MAP3K20: variants seen among roughly 807,000 people sequenced by gnomAD.
The protein encoded by MAP3K20 is HCCS-4.
MAP3K20 carries 40 observed loss-of-function variants against 85.7 expected under a neutral mutation model. The ratio of observed to expected loss-of-function variants is 0.47; its 90% CI spans 0.36 to 0.61. The LOEUF (loss-of-function observed/expected upper bound fraction) is 0.61, where lower values mean the gene tolerates loss of function less well. Ranked by LOEUF, MAP3K20 falls within the 20% of genes least tolerant of loss-of-function variation. MAP3K20 has a pLI of 0.00. For synonymous variants in MAP3K20, 325 were observed against 327.7 expected (o/e 0.99, Z 0.09); for missense variants, 817 against 961.7 (o/e 0.85, Z 1.99).
intron 18 of MAP3K20, 107 bp downstream of exon 18, chr2:173,261,244 A>T: frequency 3.4e-6 from 4 of 1,181,388 alleles, no homozygotes; most frequent in Non-Finnish European, 4.8e-6. Flanking sequence ...CCCAGAGCAT[A>T]TAATTTATTG....
At chr2:173,141,345 G>C (rs1328136376) in intron 2 of MAP3K20, among the ~76,000 whole-genome samples, 4 of 152,218 alleles carry the variant, frequency 2.6e-5, no homozygotes, top group South Asian at 4.1e-4. Context: ...AGGAAACCAT[G>C]GTTAGAATGA....
chr2:173,185,961 T>TA (rs1461397890), intron 4 of MAP3K20, among the ~76,000 whole-genome samples: 2 of 152,310 alleles, frequency 1.3e-5, no homozygotes, highest in African/African-American at 4.8e-5. Context: ...TCAGCCTTCT[T>TA]AATTGTTTGC....
intron 2 of MAP3K20, among the ~76,000 whole-genome samples, chr2:173,149,615 G>C (rs185787859): frequency 2.8e-4 from 42 of 152,156 alleles, no homozygotes; most frequent in East Asian, 2.5e-3. Context: ...AATAGCACAG[G>C]GGGGAGGTGG....
chr2:173,156,663 C>T (rs1689481765), intron 2 of MAP3K20, among the ~76,000 whole-genome samples: 1 of 152,196 alleles, frequency 6.6e-6, no homozygotes, highest in Non-Finnish European at 1.5e-5. Flanking sequence ...TGCCTCTGAT[C>T]TGACAGGAGG....
chr2:173,124,929 A>G (rs982080595), intron 2 of MAP3K20, among the ~76,000 whole-genome samples: 6 of 152,186 alleles, frequency 3.9e-5, no homozygotes, highest in African/African-American at 1.2e-4. Context: ...TCCAGGCTAT[A>G]GTGAGCTATG....
intron 2 of MAP3K20, among the ~76,000 whole-genome samples, chr2:173,155,828 C>T (rs1408663134): frequency 2.0e-5 from 3 of 152,156 alleles, no homozygotes; most frequent in Non-Finnish European, 4.4e-5. Context: ...TCTCTGATAG[C>T]TTGATAGATA....
At chr2:173,231,830 G>A (rs1574140732) in intron 12 of MAP3K20, among the ~76,000 whole-genome samples, 1 of 152,194 alleles carries the variant, frequency 6.6e-6, no homozygotes, top group South Asian at 2.1e-4. Context: ...CTGCTGTGTG[G>A]TCCCTGGAAC....
At chr2:173,186,861 G>T (rs1218319235) in intron 4 of MAP3K20, among the ~76,000 whole-genome samples, 6 of 152,190 alleles carry the variant, frequency 3.9e-5, no homozygotes, top group Admixed American at 2.0e-4. Context: ...AAATAATAAA[G>T]CTCTATAAAT....
chr2:173,154,140 G>A (rs551205676), intron 2 of MAP3K20, among the ~76,000 whole-genome samples: 11 of 152,022 alleles, frequency 7.2e-5, no homozygotes, highest in Admixed American at 6.5e-5. Context: ...AAGTGCTGCC[G>A]TTTCTCAGGC....
Position 173,232,386 on chromosome 2 carries a change from G to A in MAP3K20, c.1130G>A (p.Arg377Gln), listed in dbSNP as rs757134784. ...LFKENNITGKRLLLLEEEDLK... is the reference protein window; with the variant it reads ...LFKENNITGKQLLLLEEEDLK... Reference sequence around the variant, plus strand: ...AAAGAAAACAACATTACAGGGAAGCGGCTGCTGCTGCTGGAGGAAGAAGAC... The same window carrying A: ...AAAGAAAACAACATTACAGGGAAGCAGCTGCTGCTGCTGGAGGAAGAAGAC... Residue 377 changes from arginine to glutamine, a missense_variant, in exon 14 of 20, where the codon CGG becomes CAG. Physicochemically the swap from Arg to Gln is conservative, Grantham distance 43. Transcript: ENST00000375213. The A allele has an allele frequency of 5.3e-5, 86 of 1,614,074 alleles. 1 individual carries two copies. In the Admixed American group the frequency reaches 1.0e-3, roughly 20 times the overall value.
At chr2:173,140,810 A>G (rs1263606224) in intron 2 of MAP3K20, among the ~76,000 whole-genome samples, 1 of 149,522 alleles carries the variant, frequency 6.7e-6, no homozygotes, top group Non-Finnish European at 1.5e-5. Context: ...TGACAAAATT[A>G]TGCGGAACTA....
In MAP3K20 at chr2:173,226,088, G is replaced by A. The variant is rs1294978612; in HGVS notation, c.988-3601G>A. On this transcript the variant is annotated intron_variant, in intron 11 of 19. Transcript: ENST00000375213. Reference sequence around the variant, plus strand: ...TGGTGCTCTGGAAATGTTGAGGGTGGGTTTTTAACCAGTGATTTTTAACGT... The same window carrying A: ...TGGTGCTCTGGAAATGTTGAGGGTGAGTTTTTAACCAGTGATTTTTAACGT... The A allele has an allele frequency of 8.1e-6, 8 of 982,680 alleles. No homozygotes were observed. The Admixed American group carries it at 5.0e-4, about 62-fold the overall frequency. The allele number at this position is 982,680 out of a possible 1,614,324, so 60.9% of individuals were successfully genotyped here.
chr2:173,110,241 A>ATTTTT (rs1163430418), intron 2 of MAP3K20, among the ~76,000 whole-genome samples: 1 of 14,228 alleles, frequency 7.0e-5, no homozygotes, highest in African/African-American at 2.8e-4. Context: ...ATATATATAT[A>ATTTTT]TTTTTTTTTT....
rs1687285047 is a variant in MAP3K20 at position 173,091,112 on chromosome 2, T to C, written c.81T>C (p.Phe27=). 4 of 1,613,960 alleles carry C rather than the reference T, an allele frequency of 2.5e-6. No homozygotes were observed. The highest frequency in any genetic ancestry group is 3.4e-6 in the Non-Finnish European group (4 of 1,179,998). The change falls in exon 2 of 20, where the codon TTT becomes TTC. Residue 27 remains phenylalanine (F), a synonymous_variant. Coordinates refer to ENST00000375213, the MANE Select transcript of MAP3K20 (RefSeq NM_016653.3). The stretch of plus-strand genomic sequence containing the variant: ...TTGAAAACTGCGGTGGAGGAAGTTT[T>C]GGGAGTGTTTATCGAGCCAAATGGA... ...QFFENCGGGS[F]GSVYRAKWIS...
Position 173,209,806 on chromosome 2 carries a change from C to T in MAP3K20, c.822C>T (p.Asn274=). 6.2e-7 allele frequency: 1 copy of T among 1,614,180 alleles called. No homozygotes were observed. Among genetic ancestry groups the T allele is most frequent in the East Asian group, 2.2e-5 (1 of 44,890 alleles). ...ACACGAGCCTTCCTGACAAGTGTAA[C>T]TCATTCCTACACAACAAGGCGGAGT... ...SNDTSLPDKC[N]SFLHNKAEWR... The change falls in exon 10 of 20, where the codon AAC becomes AAT. Residue 274 remains asparagine, a synonymous_variant. Transcript: ENST00000375213.
chr2:173,094,309 C>T lies in MAP3K20; in HGVS notation c.159+3119C>T, dbSNP rs559947953. Among the ~76,000 whole-genome samples, 14 of 152,150 alleles carry T rather than the reference C, an allele frequency of 9.2e-5. No homozygotes were observed. The South Asian group carries it at 2.5e-3, about 27-fold the overall frequency. ...TATATATTGTATGATTTTTGCTGAACGATGAGAGTACATTACAGATGCCAT... is the reference window on the plus strand; with the variant it reads ...TATATATTGTATGATTTTTGCTGAATGATGAGAGTACATTACAGATGCCAT... On this transcript the variant is annotated intron_variant, in intron 2 of 19. Transcript: ENST00000375213.
chr2:173,261,569 A>G (rs919837411), intron 18 of MAP3K20, among the ~76,000 whole-genome samples: 10 of 152,316 alleles, frequency 6.6e-5, no homozygotes, highest in African/African-American at 2.4e-4. Context: ...CACACCTGGA[A>G]ATATTAGTGT....
intron 11 of MAP3K20, chr2:173,222,825 G>A (rs929436336): frequency 4.6e-5 from 45 of 985,220 alleles, no homozygotes; most frequent in Non-Finnish European, 5.4e-5. Flanking sequence ...AACCTGGCTA[G>A]CCAAGGATAT....
Position 173,263,867 on chromosome 2 carries a change from T to A in MAP3K20, c.1674T>A (p.Asp558Glu), listed in dbSNP as rs16861466. 5 of 1,612,194 alleles carry A rather than the reference T, an allele frequency of 3.1e-6. No homozygotes were observed. Among genetic ancestry groups the A allele is most frequent in the African/African-American group, 1.3e-5 (1 of 74,814 alleles). The change falls in exon 19 of 20, where the codon GAT (aspartate) becomes GAA (glutamate). Residue 558 changes from aspartate (D) to glutamate (E), a missense_variant. By Grantham distance (45) the Asp-to-Glu change is conservative. Transcript: ENST00000375213. ...LAIQTLFTNS[D>E]GNPGSRSDSS... ...TTCAGACATTATTCACCAATTCAGA[T>A]GGCAACCCTGGAAGCAGGTCCGACT...
Sources: gnomAD v4.1 joint callset for allele counts (sites outside exome capture counted in the v4.1 genomes callset) on GRCh38, gnomAD v4.1.1 for gene constraint, MANE v1.5 for transcripts, NCBI Gene and HGNC (gene_info 2026-07-23, HGNC 2026-07-21) for gene names.